LPIN1: variants seen among roughly 807,000 people sequenced by gnomAD.
LPIN1 encodes lipin 1.
A neutral mutation model predicts 107.5 loss-of-function variants in LPIN1; 71 were observed. The ratio of observed to expected loss-of-function variants is 0.66; its 90% CI spans 0.55 to 0.80. The LOEUF is 0.80. LPIN1 is among the 30% of genes least tolerant of loss of function. The pLI is 0.00. For missense variants in LPIN1, 1,043 were observed against 1,160.6 expected (o/e 0.90, Z 1.47); for synonymous variants, 445 against 452.6 (o/e 0.98, Z 0.21).
At chr2:11,822,509 G>A (rs1681720633) in intron 20 of LPIN1, among the ~76,000 whole-genome samples, 1 of 151,868 alleles carries the variant, frequency 6.6e-6, no homozygotes, top group Non-Finnish European at 1.5e-5. Context: ...AGGAGGCAAG[G>A]AGGATCAAGT....
At chr2:11,816,733 T>C (rs1333441085) in intron 18 of LPIN1, 4 of 149,942 alleles carry the variant, frequency 2.7e-5, no homozygotes, top group East Asian at 2.0e-4. Context: ...CTAACACAAA[T>C]GACCTTCCTT....
intron 1 of LPIN1, among the ~76,000 whole-genome samples, chr2:11,690,352 A>T (rs1662208236): frequency 6.6e-6 from 1 of 152,162 alleles, no homozygotes; most frequent in South Asian, 2.1e-4. Context: ...CTTTCCCTCA[A>T]TATTTAAAAA....
chr2:11,814,409 C>T (rs1381641565), intron 17 of LPIN1, among the ~76,000 whole-genome samples: 1 of 152,054 alleles, frequency 6.6e-6, no homozygotes, highest in Non-Finnish European at 1.5e-5. Flanking sequence ...AAGAAGTGGA[C>T]TCAATGCTTG....
chr2:11,689,559 C>A (rs1307874283), intron 1 of LPIN1, among the ~76,000 whole-genome samples: 1 of 152,056 alleles, frequency 6.6e-6, no homozygotes, highest in African/African-American at 2.4e-5. Flanking sequence ...TCAGTTAATT[C>A]CATAATCACA....
intron 6 of LPIN1, 48 bp from the exon 7 acceptor site, chr2:11,779,471 C>T: frequency 1.2e-6 from 2 of 1,606,764 alleles, no homozygotes; most frequent in Non-Finnish European, 8.5e-7. Context: ...AAAACATTTA[C>T]AAAAGTTTCT....
intron 1 of LPIN1, among the ~76,000 whole-genome samples, chr2:11,749,406 G>A (rs1026447842): frequency 1.3e-5 from 2 of 152,158 alleles, no homozygotes; most frequent in Non-Finnish European, 2.9e-5. Context: ...GGCTGCTGGG[G>A]TCCGAAGCAA....
rs1278224346 is a variant in LPIN1, at chr2:11,826,157, C to T, written c.*1366C>T. On this transcript the variant is annotated 3_prime_UTR_variant, in exon 21 of 21. Coordinates refer to ENST00000674199, the MANE Select transcript of LPIN1 (RefSeq NM_001349206.2). ...TATTTTTTTAAAGAGTGTTTTACTC[C>T]AACGATTGAAACATTTTCCTATTTA... 1 of 152,474 alleles carries T rather than the reference C, an allele frequency of 6.6e-6. No individual in the cohort carries two copies. The highest frequency in any genetic ancestry group is 2.4e-5 in the African/African-American group (1 of 41,378). 9.4% of individuals were successfully genotyped at this position (152,474 alleles called of 1,614,324 possible). A position where few individuals can be genotyped will look rare whatever the true frequency, so the allele number is the denominator to read the frequency against.
At chr2:11,681,737 G>A (rs1661724869) in intron 1 of LPIN1, among the ~76,000 whole-genome samples, 1 of 152,168 alleles carries the variant, frequency 6.6e-6, no homozygotes, top group Admixed American at 6.5e-5. Context: ...CAGGACCCTG[G>A]ACCCATTTTG....
chr2:11,782,264 A>C lies in LPIN1; in HGVS notation c.1021A>C (p.Ser341Arg). The C allele has an allele frequency of 2.5e-6, 4 of 1,614,232 alleles. No individual in the cohort carries two copies. Among genetic ancestry groups the C allele is most frequent in the Non-Finnish European group, 3.4e-6 (4 of 1,180,046 alleles). Residue 341 changes from serine to arginine, a missense_variant, in exon 8 of 21, where the codon AGT becomes CGT. Ser to Arg is a moderately radical substitution (Grantham distance 110). Transcript: ENST00000674199. Reference protein sequence around the residue: ...PLSSRKICDKSHFQAIHSESS... With the variant: ...PLSSRKICDKRHFQAIHSESS... Reference sequence around the variant, plus strand: ...GAGCAGTAGAAAAATTTGTGATAAAAGTCACTTTCAGGCCATTCACAGCGA... The same window carrying C: ...GAGCAGTAGAAAAATTTGTGATAAACGTCACTTTCAGGCCATTCACAGCGA...
intron 17 of LPIN1, among the ~76,000 whole-genome samples, chr2:11,809,969 G>C (rs909056272): frequency 9.9e-5 from 15 of 152,154 alleles, no homozygotes; most frequent in Non-Finnish European, 1.6e-4. Flanking sequence ...GATTAGGCTA[G>C]ATGACCCCTG....
intron 1 of LPIN1, among the ~76,000 whole-genome samples, chr2:11,689,617 T>C (rs1662171915): frequency 6.6e-6 from 1 of 152,234 alleles, no homozygotes; most frequent in Non-Finnish European, 1.5e-5. Context: ...TTTGAAAACA[T>C]ACCTATAGGC....
At position 11,779,408 on chromosome 2, in the gene LPIN1, A is replaced by AG. The variant is rs2148651223; in HGVS notation, c.831-111_831-110insG. On this transcript the variant is annotated intron_variant, in intron 6 of 20. Coordinates refer to ENST00000674199, the MANE Select transcript of LPIN1 (RefSeq NM_001349206.2). ...TTGTCATGAGGCTCCGCTCAGAGCG[A>AG]ACGACAGCTGGGGGTGCATTTTCTG... The AG allele has an allele frequency of 5.1e-6, 6 of 1,180,786 alleles. No homozygotes were observed. The South Asian group carries it at 6.2e-5, about 12-fold the overall frequency. 73.1% of individuals were successfully genotyped at this position (1,180,786 alleles called of 1,614,324 possible). A position where few individuals can be genotyped will look rare whatever the true frequency, so the allele number is the denominator to read the frequency against.
At chr2:11,695,513 A>T (rs776037385) in intron 1 of LPIN1, among the ~76,000 whole-genome samples, 1 of 152,102 alleles carries the variant, frequency 6.6e-6, no homozygotes, top group Non-Finnish European at 1.5e-5. Flanking sequence ...GAGGCAAGAG[A>T]AGGCATCTAG....
At chr2:11,750,572 C>T (rs556900152) in intron 1 of LPIN1, among the ~76,000 whole-genome samples, 2 of 152,308 alleles carry the variant, frequency 1.3e-5, no homozygotes, top group African/African-American at 2.4e-5. Context: ...ACAGAATTAG[C>T]ACGTGGTTTT....
chr2:11,683,047 C>G (rs540552332), intron 1 of LPIN1: 1 of 152,336 alleles, frequency 6.6e-6, no homozygotes, highest in South Asian at 2.1e-4. Context: ...CCCCTCTGGT[C>G]AGGGCCAGAG....
At chr2:11,689,756 ATAGC>A (rs1662180144) in intron 1 of LPIN1, among the ~76,000 whole-genome samples, 1 of 152,118 alleles carries the variant, frequency 6.6e-6, no homozygotes, top group East Asian at 1.9e-4. Context: ...ATACAAAAAA[ATAGC>A]TGAGTGTTGT....
At chr2:11,762,901 T>C (rs572709211) in intron 1 of LPIN1, 1 of 152,252 alleles carries the variant, frequency 6.6e-6, no homozygotes, top group East Asian at 1.9e-4. Flanking sequence ...GTTTTGTCAG[T>C]GTGGTCACAT....
At chr2:11,776,218 G>T in intron 6 of LPIN1, 25 bp downstream of exon 6, 2 of 1,417,200 alleles carry the variant, frequency 1.4e-6, no homozygotes, top group Non-Finnish European at 1.9e-6. Flanking sequence ...TTCCCCATTG[G>T]GATATATTCA....
At chr2:11,706,677 C>T (rs1663143035) in intron 1 of LPIN1, among the ~76,000 whole-genome samples, 1 of 152,190 alleles carries the variant, frequency 6.6e-6, no homozygotes, top group East Asian at 1.9e-4. Context: ...GGCTTAGATC[C>T]AATTCCCTTG....
Sources: allele counts gnomAD v4.1 joint callset (sites outside exome capture counted in the v4.1 genomes callset), GRCh38; gene constraint gnomAD v4.1.1; transcripts MANE v1.5; gene names NCBI Gene and HGNC (gene_info 2026-07-23, HGNC 2026-07-21).